The following UBTD1 variants were observed in gnomAD, a reference collection of about 807,000 sequenced individuals.
UBTD1 encodes the protein ubiquitin domain containing 1.
In UBTD1, 19 loss-of-function variants were observed where a neutral mutation model predicts 21.7. The ratio of observed to expected loss-of-function variants is 0.87; its 90% confidence interval spans 0.61 to 1.28. UBTD1 has a LOEUF of 1.28. UBTD1 is among the 50% of genes most tolerant of loss of function. The pLI is 0.00. For synonymous variants in UBTD1, 116 were observed against 135.1 expected, an observed-to-expected ratio of 0.86 and a Z score of 0.98; for missense variants, 282 against 315.1, an observed-to-expected ratio of 0.89 and a Z score of 0.80.
intron 1 of UBTD1, among the ~76,000 whole-genome samples, chr10:97,512,026 T>A (rs775561042): frequency 6.6e-6 from 1 of 152,190 alleles, no homozygotes; most frequent in Non-Finnish European, 1.5e-5. Flanking sequence ...AAACTGCCTC[T>A]CAATATTTAC....
At chr10:97,521,702 C>G (rs2040467551) in intron 1 of UBTD1, among the ~76,000 whole-genome samples, 1 of 152,226 alleles carries the variant, frequency 6.6e-6, no homozygotes, top group South Asian at 2.1e-4. Flanking sequence ...CCCTGAAGCC[C>G]CAGCTACGGA....
At chr10:97,528,025 C>T (rs2040498613) in intron 1 of UBTD1, among the ~76,000 whole-genome samples, 1 of 150,042 alleles carries the variant, frequency 6.7e-6, no homozygotes, top group Non-Finnish European at 1.5e-5. Flanking sequence ...TAGAGGCGGC[C>T]GGGCAGAGGC....
chr10:97,523,921 G>A (rs2040476709), intron 1 of UBTD1, among the ~76,000 whole-genome samples: 1 of 152,116 alleles, frequency 6.6e-6, no homozygotes, highest in South Asian at 2.1e-4. Context: ...CCCATTTACT[G>A]TTTTCTGCAG....
At chr10:97,560,173 G>C (rs1451811706) in intron 1 of UBTD1, among the ~76,000 whole-genome samples, 8 of 151,636 alleles carry the variant, frequency 5.3e-5, no homozygotes, top group Non-Finnish European at 7.4e-5. Flanking sequence ...TTCAGGACAA[G>C]AATTTACCAT....
At chr10:97,552,426 C>T (rs968596911) in intron 1 of UBTD1, among the ~76,000 whole-genome samples, 6 of 135,818 alleles carry the variant, frequency 4.4e-5, no homozygotes, top group South Asian at 2.3e-4. Context: ...AACACAGTCT[C>T]GTTCTGTGAC....
intron 1 of UBTD1, among the ~76,000 whole-genome samples, chr10:97,499,521 G>A (rs1050411560): frequency 6.6e-6 from 1 of 152,202 alleles, no homozygotes; most frequent in Non-Finnish European, 1.5e-5. Context: ...TGGTGGGGGT[G>A]GGGGCAGGAA....
chr10:97,542,243 T>C (rs753823665), intron 1 of UBTD1, among the ~76,000 whole-genome samples: 21 of 152,160 alleles, frequency 1.4e-4, no homozygotes, highest in Non-Finnish European at 2.9e-4. Context: ...GCCAGAGGGA[T>C]GGAGGGATGG....
chr10:97,549,924 C>G (rs535136943), intron 1 of UBTD1, among the ~76,000 whole-genome samples: 63 of 152,356 alleles, frequency 4.1e-4, no homozygotes, highest in Middle Eastern at 6.8e-3. Flanking sequence ...CTGGCTCCCC[C>G]CTCCCCGCCT....
At chr10:97,546,387 G>A (rs1387163701) in intron 1 of UBTD1, among the ~76,000 whole-genome samples, 3 of 151,980 alleles carry the variant, frequency 2.0e-5, no homozygotes, top group East Asian at 1.9e-4. Flanking sequence ...TCAGGAGTTC[G>A]AGACCAGCCT....
At chr10:97,519,314 C>T (rs936889527) in intron 1 of UBTD1, among the ~76,000 whole-genome samples, 1 of 152,096 alleles carries the variant, frequency 6.6e-6, no homozygotes, top group Non-Finnish European at 1.5e-5. Flanking sequence ...TATAGTCTTC[C>T]GTAAAGCTTT....
chr10:97,556,374 G>A (rs1029914772), intron 1 of UBTD1, among the ~76,000 whole-genome samples: 1 of 152,198 alleles, frequency 6.6e-6, no homozygotes, highest in Non-Finnish European at 1.5e-5. Flanking sequence ...CTGCTAGCAA[G>A]TACTCAAGAG....
intron 1 of UBTD1, among the ~76,000 whole-genome samples, chr10:97,536,171 T>C (rs1224306321): frequency 2.0e-5 from 3 of 151,938 alleles, no homozygotes; most frequent in Non-Finnish European, 2.9e-5. Context: ...TTTGTATTTT[T>C]AGTAGAGATG....
At chr10:97,547,493 A>T (rs957601751) in intron 1 of UBTD1, among the ~76,000 whole-genome samples, 2 of 152,040 alleles carry the variant, frequency 1.3e-5, no homozygotes, top group African/African-American at 4.8e-5. Context: ...GTTGAGCTTG[A>T]CCTCATTTAA....
At chr10:97,567,869 C>T in intron 1 of UBTD1, 45 bp from the exon 2 acceptor site, 1 of 1,600,944 alleles carries the variant, frequency 6.2e-7, no homozygotes, top group Non-Finnish European at 8.5e-7. Flanking sequence ...GGTTGCAGCT[C>T]AAGTGGCTTT....
intron 1 of UBTD1, among the ~76,000 whole-genome samples, chr10:97,527,702 C>T (rs1420507168): frequency 6.6e-6 from 1 of 152,022 alleles, no homozygotes; most frequent in Non-Finnish European, 1.5e-5. Flanking sequence ...GCACATCTTG[C>T]ACCACCCTTA....
rs2040743132 is a variant in UBTD1 at position 97,570,631 on chromosome 10, GC to G, written c.*109del. The G allele has an allele frequency of 1.2e-5, 16 of 1,382,004 alleles. No homozygotes were observed. Among genetic ancestry groups the G allele is most frequent in the Non-Finnish European group, 1.6e-5 (16 of 1,016,266 alleles). The allele number at this position is 1,382,004 out of a possible 1,614,324, so 85.6% of individuals were successfully genotyped here. On this transcript the variant is annotated 3_prime_UTR_variant, in exon 3 of 3. Transcript: ENST00000370664. This position sits in a 1 kb window ranked among gnomAD's most constrained non-coding sequence, Gnocchi z 6.6. ...CTTCAGGGGCCCTCCCCTCGGTGTG[GC>G]TGGTGGGTGAGCCGTGAAGGGACCC...
intron 1 of UBTD1, among the ~76,000 whole-genome samples, chr10:97,566,294 T>C (rs1226191126): frequency 6.6e-6 from 1 of 151,892 alleles, no homozygotes; most frequent in Non-Finnish European, 1.5e-5. Context: ...TTTAAAACTA[T>C]TACCTTATTT....
At chr10:97,561,389 T>C (rs1286280654) in intron 1 of UBTD1, among the ~76,000 whole-genome samples, 1 of 151,990 alleles carries the variant, frequency 6.6e-6, no homozygotes, top group African/African-American at 2.4e-5. Flanking sequence ...AGGGCTTTAT[T>C]CAGCTGGGAG....
rs575523175 is a variant in UBTD1 at position 97,540,980 on chromosome 10, G to A, written c.71-26934G>A. Among the ~76,000 whole-genome samples the A allele has an allele frequency of 2.4e-3, 362 of 152,306 alleles. No individual in the cohort carries two copies. The Middle Eastern group carries it at 0.024, about 10-fold the overall frequency. ...CTGCTTCTCTGCTTGTCAGCTGCGT[G>A]TGTGTCCACTAGGGGTTGGTCTTGC... On this transcript the variant is annotated intron_variant, in intron 1 of 2. Transcript: ENST00000370664.
Sources: gnomAD v4.1 joint callset for allele counts (sites outside exome capture counted in the v4.1 genomes callset) on GRCh38, gnomAD v4.1.1 for gene constraint, Gnocchi (gnomAD v3.1) non-coding constraint, MANE v1.5 for transcripts, NCBI Gene and HGNC (gene_info 2026-07-23, HGNC 2026-07-21) for gene names.